SLC24A3: variants seen among roughly 807,000 people sequenced by gnomAD.
SLC24A3 encodes sodium/potassium/calcium exchanger 3.
A neutral mutation model predicts 75.8 loss-of-function variants in SLC24A3; 28 were observed. That is an observed-to-expected ratio of 0.37 (90% CI 0.27 to 0.51). The LOEUF is 0.51. Among genes scored for constraint, SLC24A3 ranks in the 20% least tolerant of loss-of-function variants. SLC24A3 has a pLI of 0.94. For synonymous variants in SLC24A3, 372 were observed against 334.1 expected (o/e 1.11, Z -1.24); for missense variants, 663 against 847.8 (o/e 0.78, Z 2.71).
At chr20:19,498,960 G>T (rs1445561855) in intron 2 of SLC24A3, among the ~76,000 whole-genome samples, 9 of 152,196 alleles carry the variant, frequency 5.9e-5, no homozygotes. Context: ...AAGCTGAGAA[G>T]ACCACATGGC....
At chr20:19,358,791 C>A (rs562447208) in intron 2 of SLC24A3, among the ~76,000 whole-genome samples, 3 of 152,292 alleles carry the variant, frequency 2.0e-5, no homozygotes, top group African/African-American at 4.8e-5. Context: ...AGTTCCCAGG[C>A]CCCCGGCAGT....
chr20:19,656,083 G>C (rs1181526835), intron 7 of SLC24A3, among the ~76,000 whole-genome samples: 4 of 152,078 alleles, frequency 2.6e-5, no homozygotes, highest in African/African-American at 9.7e-5. Flanking sequence ...GCTCCTACCA[G>C]TAGATTATTT....
At chr20:19,461,845 A>G (rs1259217151) in intron 2 of SLC24A3, among the ~76,000 whole-genome samples, 1 of 152,050 alleles carries the variant, frequency 6.6e-6, no homozygotes, top group African/African-American at 2.4e-5. Context: ...CAAGTACTTC[A>G]TCTACCTATT....
chr20:19,418,897 G>A (rs1986869056), intron 2 of SLC24A3, among the ~76,000 whole-genome samples: 1 of 152,066 alleles, frequency 6.6e-6, no homozygotes, highest in Non-Finnish European at 1.5e-5. Context: ...GAGGTGTAAT[G>A]ATTTGAGCAT....
intron 2 of SLC24A3, among the ~76,000 whole-genome samples, chr20:19,439,897 C>G (rs1277682882): frequency 6.6e-6 from 1 of 152,172 alleles, no homozygotes; most frequent in Admixed American, 6.5e-5. Flanking sequence ...ACTGAGGAAG[C>G]TGTTGGCTTT....
chr20:19,487,082 ATTACT>A (rs901170823), intron 2 of SLC24A3, among the ~76,000 whole-genome samples: 2 of 152,226 alleles, frequency 1.3e-5, no homozygotes, highest in Non-Finnish European at 2.9e-5. Context: ...AGTGGGGATA[ATTACT>A]TTATAAGAGT....
intron 4 of SLC24A3, 57 bp downstream of exon 4, chr20:19,580,131 C>T: frequency 1.4e-6 from 2 of 1,480,842 alleles, no homozygotes; most frequent in Non-Finnish European, 1.9e-6. Context: ...GACCTGTGCC[C>T]TGTACTGTTC....
chr20:19,431,996 C>T (rs934934501), intron 2 of SLC24A3, among the ~76,000 whole-genome samples: 6 of 152,060 alleles, frequency 3.9e-5, no homozygotes, highest in African/African-American at 1.2e-4. Context: ...TAAATCTTAC[C>T]GTTTTAAGGT....
At chr20:19,320,955 A>G (rs747740890) in intron 2 of SLC24A3, among the ~76,000 whole-genome samples, 5 of 152,110 alleles carry the variant, frequency 3.3e-5, no homozygotes, top group African/African-American at 4.8e-5. Flanking sequence ...GTACACACAC[A>G]TATATATGTA....
intron 7 of SLC24A3, among the ~76,000 whole-genome samples, chr20:19,661,686 C>T (rs2032328210): frequency 6.6e-6 from 1 of 152,212 alleles, no homozygotes; most frequent in Non-Finnish European, 1.5e-5. Context: ...TTAGCTTCAG[C>T]AATGCAGCCT....
chr20:19,651,666 T>C (rs1227949721), intron 6 of SLC24A3, among the ~76,000 whole-genome samples: 1 of 151,950 alleles, frequency 6.6e-6, no homozygotes, highest in Non-Finnish European at 1.5e-5. Flanking sequence ...GAGACCATCC[T>C]GGCTAACACG....
chr20:19,532,936 G>A (rs1364436269), intron 3 of SLC24A3, among the ~76,000 whole-genome samples: 2 of 152,216 alleles, frequency 1.3e-5, no homozygotes, highest in Non-Finnish European at 2.9e-5. Flanking sequence ...TGATCAAGCA[G>A]ACAGATATCA....
At chr20:19,335,759 G>A (rs1434693620) in intron 2 of SLC24A3, among the ~76,000 whole-genome samples, 1 of 152,160 alleles carries the variant, frequency 6.6e-6, no homozygotes, top group African/African-American at 2.4e-5. Flanking sequence ...TTTCTGAAAA[G>A]CATCCTGCAT....
In SLC24A3 at chr20:19,264,523, G is replaced by A. The variant is rs919134798; in HGVS notation, c.143-16436G>A. Reference sequence around the variant, plus strand: ...GTGGATTGCCTGAGCTCAGGAGTTCGCGACCAGCCTGGGCAACACGGTGAA... The same window carrying A: ...GTGGATTGCCTGAGCTCAGGAGTTCACGACCAGCCTGGGCAACACGGTGAA... On this transcript the variant is annotated intron_variant, in intron 1 of 16. Transcript: ENST00000328041. 3.9e-5 allele frequency among the ~76,000 whole-genome samples: 6 copies of A among 152,058 alleles called. No homozygotes were observed. In the East Asian group the frequency reaches 7.7e-4, roughly 20 times the overall value.
chr20:19,617,399 A>C (rs1378544002), intron 6 of SLC24A3, among the ~76,000 whole-genome samples: 1 of 152,232 alleles, frequency 6.6e-6, no homozygotes, highest in Non-Finnish European at 1.5e-5. Flanking sequence ...TGGCAGCCAC[A>C]GACATGCATT....
intron 2 of SLC24A3, among the ~76,000 whole-genome samples, chr20:19,485,039 A>G (rs887313227): frequency 1.3e-5 from 2 of 152,200 alleles, no homozygotes; most frequent in African/African-American, 4.8e-5. Flanking sequence ...TGGCAATAGC[A>G]TGGGACTCAG....
chr20:19,242,776 G>A (rs1041734304), intron 1 of SLC24A3, among the ~76,000 whole-genome samples: 1 of 152,138 alleles, frequency 6.6e-6, no homozygotes, highest in Non-Finnish European at 1.5e-5. Flanking sequence ...AGGCAAAATT[G>A]GTTTCTTTCA....
At chr20:19,343,002 G>A (rs2143850) in intron 2 of SLC24A3, among the ~76,000 whole-genome samples, 49,855 of 148,602 alleles carry the variant, frequency 0.34, 8,670 homozygotes, top group Middle Eastern at 0.52. Flanking sequence ...CCCAGGAGGC[G>A]GAGCTTGCAG....
At chr20:19,227,731 A>T (rs1981908813) in intron 1 of SLC24A3, among the ~76,000 whole-genome samples, 1 of 152,120 alleles carries the variant, frequency 6.6e-6, no homozygotes, top group African/African-American at 2.4e-5. Flanking sequence ...TATGATATTT[A>T]TTTTGTTATA....
Sources: gnomAD v4.1 joint callset for allele counts (sites outside exome capture counted in the v4.1 genomes callset) on GRCh38, gnomAD v4.1.1 for gene constraint, MANE v1.5 for transcripts, NCBI Gene and HGNC (gene_info 2026-07-23, HGNC 2026-07-21) for gene names.